INCENP: variants seen among roughly 807,000 people sequenced by gnomAD.
The protein encoded by INCENP is binds and activates aurora-B and -C in vivo and in vitro.
INCENP carries 43 observed loss-of-function variants against 107.3 expected under a neutral mutation model. The ratio of observed to expected loss-of-function variants is 0.40; its 90% CI spans 0.31 to 0.52. The LOEUF (loss-of-function observed/expected upper bound fraction) is 0.52, where lower values mean the gene tolerates loss of function less well. INCENP is among the 20% of genes least tolerant of loss of function. The pLI, the probability that INCENP is intolerant of heterozygous loss-of-function variation, is 0.53. For synonymous variants in INCENP, 488 were observed against 494.4 expected (o/e 0.99, Z 0.17); for missense variants, 1,089 against 1,250.9 (o/e 0.87, Z 1.95).
intron 3 of INCENP, among the ~76,000 whole-genome samples, chr11:62,129,154 C>G (rs1943823013): frequency 6.6e-6 from 1 of 152,108 alleles, no homozygotes; most frequent in African/African-American, 2.4e-5. Context: ...GGAAAGATTT[C>G]CGTAGGTGGG....
intron 1 of INCENP, among the ~76,000 whole-genome samples, chr11:62,127,615 A>G (rs555442281): frequency 6.6e-6 from 1 of 152,316 alleles, no homozygotes; most frequent in East Asian, 1.9e-4. Context: ...GGCCTCTTAA[A>G]GAGGCAGTTG....
intron 13 of INCENP, 32 bp from the exon 14 acceptor site, chr11:62,145,597 C>T: frequency 6.3e-7 from 1 of 1,579,772 alleles, no homozygotes. Flanking sequence ...AATGTGGGTG[C>T]TCCAATGGGC....
intron 1 of INCENP, among the ~76,000 whole-genome samples, chr11:62,127,867 T>C (rs1943788557): frequency 6.6e-6 from 1 of 151,304 alleles, no homozygotes; most frequent in South Asian, 2.1e-4. Context: ...CAGAATTGGT[T>C]GGGAACTGTG....
intron 8 of INCENP, 134 bp from the exon 9 acceptor site, chr11:62,140,570 C>A: frequency 1.3e-6 from 1 of 770,222 alleles, no homozygotes; most frequent in Non-Finnish European, 2.1e-6. Context: ...CAGAGGGTTG[C>A]TTAGGCTCTG....
chr11:62,135,684 A>G (rs998142140), intron 4 of INCENP, among the ~76,000 whole-genome samples: 1 of 152,206 alleles, frequency 6.6e-6, no homozygotes, highest in Non-Finnish European at 1.5e-5. Context: ...TCATTATATA[A>G]TATCCTAAAA....
At position 62,146,798 on chromosome 11, in the gene INCENP, G is replaced by A. The variant is rs1426769658; in HGVS notation, c.2100G>A (p.Gln700=). 1.3e-6 allele frequency: 2 copies of A among 1,535,056 alleles called. No individual in the cohort carries two copies. Among genetic ancestry groups the A allele is most frequent in the Non-Finnish European group, 1.8e-6 (2 of 1,138,030 alleles). The change falls in exon 15 of 19, where the codon CAG becomes CAA. Residue 700 remains glutamine, a synonymous_variant. Coordinates refer to ENST00000394818, the MANE Select transcript of INCENP (RefSeq NM_001040694.2). ...GGCGGGAGCAGGAGCGGCGCGAGCAGGAGCGGCGCGAGCAGGAGCGGCGGG... is the reference window on the plus strand; with the variant it reads ...GGCGGGAGCAGGAGCGGCGCGAGCAAGAGCGGCGCGAGCAGGAGCGGCGGG... ...QERREQERRE[Q]ERREQERREQ...
chr11:62,148,585 G>A (rs534618026), intron 16 of INCENP, 31 bp downstream of exon 16: 2 of 1,581,134 alleles, frequency 1.3e-6, no homozygotes, highest in South Asian at 1.1e-5. Flanking sequence ...GGCTCCCCTG[G>A]GGTCTGCCCT....
Position 62,151,965 on chromosome 11 carries a change from A to C in INCENP, c.2746A>C (p.Lys916Gln). Residue 916 changes from lysine (K) to glutamine (Q), a missense_variant, in exon 19 of 19, where the codon AAG becomes CAG. Transcript: ENST00000394818. Reference sequence around the variant, plus strand: ...CCCCAGCAGCCTGGCCTACAGCCTGAAGAAGCACTGAGGCTGGCCTGCGGC... The same window carrying C: ...CCCCAGCAGCCTGGCCTACAGCCTGCAGAAGCACTGAGGCTGGCCTGCGGC... Reference protein sequence around the residue: ...RVPSSLAYSLKKH With the variant: ...RVPSSLAYSLQKH 1 of 1,609,992 alleles carries C rather than the reference A, an allele frequency of 6.2e-7. No individual in the cohort carries two copies. The highest frequency in any genetic ancestry group is 8.5e-7 in the Non-Finnish European group (1 of 1,179,790).
In INCENP at chr11:62,146,759, G is replaced by A. The variant is rs1944252742; in HGVS notation, c.2061G>A (p.Gln687=). Residue 687 remains glutamine, a synonymous_variant, in exon 15 of 19, where the codon CAG becomes CAA. Transcript: ENST00000394818. ...KAAEAKRLAE[Q]REQERREQER... ...CCGAGGCTAAGCGGCTGGCAGAGCA[G>A]CGGGAGCAGGAGCGGCGGGAGCAGG... The A allele has an allele frequency of 6.5e-7, 1 of 1,537,726 alleles. No homozygotes were observed. Among genetic ancestry groups the A allele is most frequent in the Non-Finnish European group, 8.8e-7 (1 of 1,142,138 alleles).
At chr11:62,143,789 T>C (rs1165083664) in intron 11 of INCENP, among the ~76,000 whole-genome samples, 1 of 152,212 alleles carries the variant, frequency 6.6e-6, no homozygotes, top group Non-Finnish European at 1.5e-5. Flanking sequence ...GGGAGTCTAC[T>C]GGGAGCCAGG....
Position 62,138,966 on chromosome 11 carries a change from G to C in INCENP, c.1252G>C (p.Ala418Pro). The change falls in exon 7 of 19, where the codon GCA (alanine) becomes CCA (proline). Residue 418 changes from alanine (A) to proline (P), a missense_variant. Physicochemically the swap from Ala to Pro is conservative, Grantham distance 27. Coordinates refer to ENST00000394818, the MANE Select transcript of INCENP (RefSeq NM_001040694.2). ...IANSTPNPKPAASSPETPSAG... is the reference protein window; with the variant it reads ...IANSTPNPKPPASSPETPSAG... Reference sequence around the variant, plus strand: ...CAACAGCACACCCAACCCGAAGCCTGCAGCCAGCAGCCCGGAAACACCCTC... The same window carrying C: ...CAACAGCACACCCAACCCGAAGCCTCCAGCCAGCAGCCCGGAAACACCCTC... 1.2e-6 allele frequency: 2 copies of C among 1,614,044 alleles called. No individual in the cohort carries two copies. The highest frequency in any genetic ancestry group is 1.1e-5 in the South Asian group (1 of 91,080).
At chr11:62,147,443 A>G (rs1484588242) in intron 15 of INCENP, among the ~76,000 whole-genome samples, 1 of 152,110 alleles carries the variant, frequency 6.6e-6, no homozygotes, top group African/African-American at 2.4e-5. Flanking sequence ...TTCCATGTTT[A>G]GTTTTACAGG....
In INCENP at chr11:62,145,066, C is replaced by T. The variant is rs997363141; in HGVS notation, c.1690C>T (p.Arg564Trp). 29 of 1,613,298 alleles carry T rather than the reference C, an allele frequency of 1.8e-5. No individual in the cohort carries two copies. In the Admixed American group the frequency reaches 1.8e-4, roughly 10 times the overall value. The change falls in exon 12 of 19, where the codon CGG becomes TGG. Residue 564 changes from arginine to tryptophan, a missense_variant. Transcript: ENST00000394818. ...LRRQKVEEDKRRRLEEVKLKR... is the reference protein window; with the variant it reads ...LRRQKVEEDKWRRLEEVKLKR... ...CAGGCAGAAGGTGGAGGAGGACAAG[C>T]GGCGGCGGCTGGAGGAGGTGAAGCT...
At position 62,140,963 on chromosome 11, in the gene INCENP, G is replaced by A. The variant is rs759858731; in HGVS notation, c.1512G>A (p.Met504Ile). The change falls in exon 10 of 19, where the codon ATG becomes ATA. Residue 504 changes from methionine (M) to isoleucine (I), a missense_variant. Met to Ile is a conservative substitution (Grantham distance 10). Transcript: ENST00000394818. ...TGCACACAGTGCAGAGGAACCAGAT[G>A]CTCATGACCCCGACCTCAGCCCCAC... Reference protein sequence around the residue: ...TFLHTVQRNQMLMTPTSAPRS... With the variant: ...TFLHTVQRNQILMTPTSAPRS... 1.2e-6 allele frequency: 2 copies of A among 1,614,228 alleles called. No individual in the cohort carries two copies. Among genetic ancestry groups the A allele is most frequent in the Admixed American group, 3.3e-5 (2 of 60,032 alleles).
At chr11:62,135,280 G>T (rs1943967788) in intron 4 of INCENP, among the ~76,000 whole-genome samples, 1 of 151,416 alleles carries the variant, frequency 6.6e-6, no homozygotes, top group Non-Finnish European at 1.5e-5. Flanking sequence ...GTTTTGTTTT[G>T]TTTTTGAGAT....
chr11:62,139,216 G>A (rs1317515211), intron 7 of INCENP, among the ~76,000 whole-genome samples: 1 of 152,160 alleles, frequency 6.6e-6, no homozygotes, highest in Admixed American at 6.5e-5. Flanking sequence ...TGCAGCATGG[G>A]GGGCTGTGGC....
At chr11:62,137,611 G>A (rs998692289) in intron 4 of INCENP, among the ~76,000 whole-genome samples, 1 of 152,198 alleles carries the variant, frequency 6.6e-6, no homozygotes, top group Admixed American at 6.5e-5. Flanking sequence ...AGATGGGCAT[G>A]GGAAGACCAT....
chr11:62,129,348 C>T (rs1234361764), intron 3 of INCENP, among the ~76,000 whole-genome samples: 1 of 151,878 alleles, frequency 6.6e-6, no homozygotes, highest in Non-Finnish European at 1.5e-5. Flanking sequence ...CCAGCTCTGC[C>T]CCTTAGCAGA....
chr11:62,127,295 A>G (rs1274594550), intron 1 of INCENP, among the ~76,000 whole-genome samples: 1 of 152,114 alleles, frequency 6.6e-6, no homozygotes, highest in East Asian at 1.9e-4. Context: ...CGGCCTCCCA[A>G]AGTGCTGGGA....
Sources: allele counts gnomAD v4.1 joint callset (sites outside exome capture counted in the v4.1 genomes callset), GRCh38; gene constraint gnomAD v4.1.1; transcripts MANE v1.5; gene names NCBI Gene and HGNC (gene_info 2026-07-23, HGNC 2026-07-21).